The following TRAPPC9 variants were observed in gnomAD, a reference collection of about 807,000 sequenced individuals.
TRAPPC9 encodes the protein trafficking protein particle complex subunit 9, also known as IKK2 binding protein.
A neutral mutation model predicts 124.0 loss-of-function variants in TRAPPC9; 83 were observed. That is an observed-to-expected ratio of 0.67 (90% CI 0.56 to 0.80). TRAPPC9 has a LOEUF of 0.80. Ranked by LOEUF, TRAPPC9 falls within the 30% of genes least tolerant of loss-of-function variation. The pLI, the probability that TRAPPC9 is intolerant of heterozygous loss-of-function variation, is 0.00. For synonymous variants in TRAPPC9, 638 were observed against 617.5 expected (o/e 1.03, Z -0.49); for missense variants, 1,302 against 1,508.3 (o/e 0.86, Z 2.27).
At chr8:139,861,269 G>C (rs977773238) in intron 21 of TRAPPC9, among the ~76,000 whole-genome samples, 1 of 152,212 alleles carries the variant, frequency 6.6e-6, no homozygotes, top group Non-Finnish European at 1.5e-5. Flanking sequence ...AGCCTCTACT[G>C]CTGTGTCATT....
intron 2 of TRAPPC9, among the ~76,000 whole-genome samples, chr8:140,440,659 G>A (rs984894774): frequency 2.6e-5 from 4 of 151,944 alleles, no homozygotes; most frequent in Non-Finnish European, 5.9e-5. Context: ...CCTTCCCAAA[G>A]CACAAATCAG....
intron 21 of TRAPPC9, among the ~76,000 whole-genome samples, chr8:139,748,852 C>T (rs1819130815): frequency 6.6e-6 from 1 of 152,102 alleles, no homozygotes; most frequent in South Asian, 2.1e-4. Flanking sequence ...GGCCCTAGTG[C>T]CCAGCAGGGC....
chr8:139,875,428 G>C (rs1420948003), intron 21 of TRAPPC9, among the ~76,000 whole-genome samples: 1 of 152,204 alleles, frequency 6.6e-6, no homozygotes, highest in African/African-American at 2.4e-5. Flanking sequence ...TCTCCAAATG[G>C]GGGATTAGGA....
chr8:140,325,900 A>AC (rs971351531), intron 9 of TRAPPC9, among the ~76,000 whole-genome samples: 52 of 151,836 alleles, frequency 3.4e-4, no homozygotes, highest in African/African-American at 8.7e-4. Context: ...AGGAAGAGAG[A>AC]CCCCCCCAAA....
chr8:139,971,792 C>CATATATATAT (rs1168384406), intron 19 of TRAPPC9, among the ~76,000 whole-genome samples: 11 of 15,646 alleles, frequency 7.0e-4, no homozygotes, highest in Non-Finnish European at 1.4e-3. Context: ...CATATATACA[C>CATATATATAT]ATATATATAT....
At chr8:140,054,696 A>G (rs1842199197) in intron 17 of TRAPPC9, among the ~76,000 whole-genome samples, 1 of 152,190 alleles carries the variant, frequency 6.6e-6, no homozygotes, top group African/African-American at 2.4e-5. Context: ...ATAATATCAG[A>G]AATGAAAGAG....
At chr8:139,995,134 A>G (rs1011572068) in intron 18 of TRAPPC9, among the ~76,000 whole-genome samples, 1 of 152,218 alleles carries the variant, frequency 6.6e-6, no homozygotes. Flanking sequence ...GGATCACAGT[A>G]GGAGCCAGAA....
At chr8:140,366,575 A>G (rs1001794204) in intron 8 of TRAPPC9, among the ~76,000 whole-genome samples, 5 of 152,232 alleles carry the variant, frequency 3.3e-5, no homozygotes, top group African/African-American at 1.2e-4. Flanking sequence ...AAATTAACTC[A>G]AAACAGATCA....
chr8:140,217,276 C>T (rs772433076), intron 17 of TRAPPC9, among the ~76,000 whole-genome samples: 26 of 152,178 alleles, frequency 1.7e-4, no homozygotes, highest in Non-Finnish European at 2.9e-4. Context: ...CCAGGCAAAA[C>T]AAGGACATCC....
intron 6 of TRAPPC9, among the ~76,000 whole-genome samples, chr8:140,404,976 T>C (rs919392719): frequency 2.0e-5 from 3 of 150,988 alleles, no homozygotes; most frequent in African/African-American, 7.3e-5. Context: ...ATGGAGGCTA[T>C]GGACCAAGTT....
At chr8:139,871,498 C>G (rs1828898019) in intron 21 of TRAPPC9, among the ~76,000 whole-genome samples, 1 of 152,222 alleles carries the variant, frequency 6.6e-6, no homozygotes, top group Admixed American at 6.5e-5. Flanking sequence ...TAGGAGCACA[C>G]CAGTTGGCCT....
chr8:140,149,795 A>G (rs2061516542), intron 17 of TRAPPC9, among the ~76,000 whole-genome samples: 1 of 151,198 alleles, frequency 6.6e-6, no homozygotes, highest in Non-Finnish European at 1.5e-5. Flanking sequence ...CATCTCCTTG[A>G]AAGGTCTGCT....
intron 21 of TRAPPC9, among the ~76,000 whole-genome samples, chr8:139,878,538 C>A (rs1829477806): frequency 6.6e-6 from 1 of 152,142 alleles, no homozygotes. Context: ...TGGGGGAGAC[C>A]AGCTGTGCTG....
chr8:139,760,811 TATG>T (rs1820170391), intron 21 of TRAPPC9, among the ~76,000 whole-genome samples: 1 of 152,180 alleles, frequency 6.6e-6, no homozygotes, highest in South Asian at 2.1e-4. Flanking sequence ...ACCCACTCAC[TATG>T]ATGAGAACAG....
chr8:139,893,702 C>G (rs1231387674), intron 20 of TRAPPC9, among the ~76,000 whole-genome samples: 1 of 152,232 alleles, frequency 6.6e-6, no homozygotes, highest in African/African-American at 2.4e-5. Flanking sequence ...TCATCTTCAG[C>G]ATGAGGAACA....
chr8:139,749,204 G>T (rs1423125875), intron 21 of TRAPPC9, among the ~76,000 whole-genome samples: 1 of 152,034 alleles, frequency 6.6e-6, no homozygotes, highest in Non-Finnish European at 1.5e-5. Flanking sequence ...TGCAGCACCT[G>T]CTCCAGGAAG....
intron 5 of TRAPPC9, among the ~76,000 whole-genome samples, chr8:140,425,285 G>A (rs188384844): frequency 2.0e-5 from 3 of 152,312 alleles, no homozygotes; most frequent in Admixed American, 1.3e-4. Flanking sequence ...TCTCCCATTG[G>A]TAAAGAGAAG....
intron 17 of TRAPPC9, among the ~76,000 whole-genome samples, chr8:140,153,968 C>T (rs2061590088): frequency 1.3e-5 from 2 of 152,196 alleles, no homozygotes; most frequent in Non-Finnish European, 1.5e-5. Flanking sequence ...ACACCCTTCC[C>T]TACTATTTAC....
intron 21 of TRAPPC9, among the ~76,000 whole-genome samples, chr8:139,855,572 G>A (rs1442001707): frequency 6.6e-6 from 1 of 152,230 alleles, no homozygotes; most frequent in Non-Finnish European, 1.5e-5. Context: ...TGACCTTCTA[G>A]ATAAGATTCC....
Sources: gnomAD v4.1 joint callset for allele counts (sites outside exome capture counted in the v4.1 genomes callset) on GRCh38, gnomAD v4.1.1 for gene constraint, MANE v1.5 for transcripts, NCBI Gene and HGNC (gene_info 2026-07-23, HGNC 2026-07-21) for gene names.